RMDN2: variants seen among roughly 807,000 people sequenced by gnomAD.
RMDN2 encodes the protein regulator of microtubule dynamics protein 2.
A neutral mutation model predicts 52.8 loss-of-function variants in RMDN2; 61 were observed. The ratio of observed to expected loss-of-function variants is 1.16; its 90% confidence interval spans 0.94 to 1.43. The LOEUF is 1.43. Ranked by LOEUF, RMDN2 falls within the 40% of genes most tolerant of loss-of-function variation. The pLI, the probability that RMDN2 is intolerant of heterozygous loss-of-function variation, is 0.00. For synonymous variants in RMDN2, 180 were observed against 153.1 expected, an observed-to-expected ratio of 1.18 and a Z score of -1.30; for missense variants, 592 against 475.3, an observed-to-expected ratio of 1.25 and a Z score of -2.28.
chr2:37,935,166 C>T (rs1341748068), intron 2 of RMDN2, among the ~76,000 whole-genome samples: 1 of 152,096 alleles, frequency 6.6e-6, no homozygotes, highest in African/African-American at 2.4e-5. Context: ...CAAAACACCA[C>T]GAATCCACTC....
At chr2:37,932,888 G>T (rs1423791220) in intron 2 of RMDN2, among the ~76,000 whole-genome samples, 2 of 147,426 alleles carry the variant, frequency 1.4e-5, no homozygotes, top group Non-Finnish European at 3.0e-5. Flanking sequence ...CTCCCTCCCG[G>T]ACGGGGCGGC....
intron 8 of RMDN2, among the ~76,000 whole-genome samples, chr2:38,002,692 A>C (rs751845321): frequency 1.3e-5 from 2 of 152,250 alleles, no homozygotes; most frequent in Admixed American, 6.5e-5. Flanking sequence ...GGTAGGTTAC[A>C]TGTCAAACGG....
chr2:37,971,896 T>C (rs1572875792), intron 2 of RMDN2, among the ~76,000 whole-genome samples: 1 of 152,322 alleles, frequency 6.6e-6, no homozygotes, highest in East Asian at 1.9e-4. Flanking sequence ...CTATTAGGCT[T>C]ATAAAGTTTG....
At chr2:37,963,571 T>C (rs370439765) in intron 2 of RMDN2, among the ~76,000 whole-genome samples, 51 of 152,310 alleles carry the variant, frequency 3.3e-4, no homozygotes, top group South Asian at 1.7e-3. Flanking sequence ...CATCTTGCAC[T>C]GCCCTTAATC....
chr2:38,042,509 T>C (rs1408160259), intron 10 of RMDN2, among the ~76,000 whole-genome samples: 1 of 152,026 alleles, frequency 6.6e-6, no homozygotes, highest in Non-Finnish European at 1.5e-5. Context: ...ACAGCAGTTT[T>C]GGTTTCTACT....
intron 8 of RMDN2, 87 bp from the exon 9 acceptor site, chr2:38,003,904 G>T: frequency 1.9e-6 from 2 of 1,056,708 alleles, no homozygotes; most frequent in South Asian, 1.3e-5. Flanking sequence ...CATAATATTT[G>T]ATTTATTTAA....
chr2:37,953,294 A>G (rs1010547809), intron 2 of RMDN2, among the ~76,000 whole-genome samples: 20 of 151,994 alleles, frequency 1.3e-4, no homozygotes, highest in Non-Finnish European at 2.5e-4. Context: ...CCGTTTCCAC[A>G]ACTCTTTTCA....
chr2:38,030,999 A>G (rs991256895), intron 10 of RMDN2, among the ~76,000 whole-genome samples: 1 of 152,316 alleles, frequency 6.6e-6, no homozygotes, highest in Admixed American at 6.5e-5. Context: ...GACTTCTTGA[A>G]ATTTGCTTAA....
chr2:38,034,324 A>G (rs336035), intron 10 of RMDN2, among the ~76,000 whole-genome samples: 55,520 of 152,056 alleles, frequency 0.37, 10,683 homozygotes, highest in Non-Finnish European at 0.42. Flanking sequence ...TCTTGGACAT[A>G]TTAGGTTCCT....
rs568791536 is a variant in RMDN2 at position 37,971,345 on chromosome 2, G to A, written c.453-2695G>A. Among the ~76,000 whole-genome samples, 80 of 151,938 alleles carry A rather than the reference G, an allele frequency of 5.3e-4. No homozygotes were observed. The South Asian group carries it at 0.014, about 27-fold the overall frequency. ...TTTGTTGAAGAGTATTGTTTCCTCC[G>A]CTAAACTGTCTTGGCACTCTTATCA... is the stretch of plus-strand genomic sequence containing the variant. On this transcript the variant is annotated intron_variant, in intron 2 of 10. Transcript: ENST00000354545.
chr2:37,921,329 C>T (rs1296643264), upstream of RMDN2, among the ~76,000 whole-genome samples: 1 of 152,128 alleles, frequency 6.6e-6, no homozygotes, highest in Non-Finnish European at 1.5e-5. Flanking sequence ...AGTTTCTTTT[C>T]AGAAATTTTT....
chr2:37,933,008 C>G (rs1391557134), intron 2 of RMDN2, among the ~76,000 whole-genome samples: 1 of 151,378 alleles, frequency 6.6e-6, no homozygotes, highest in Non-Finnish European at 1.5e-5. Flanking sequence ...AGGGGCTCCT[C>G]ACTTCTCAGA....
chr2:38,029,629 CTG>C (rs1453629046), intron 10 of RMDN2: 1 of 144,534 alleles, frequency 6.9e-6, no homozygotes, highest in African/African-American at 2.6e-5. Context: ...AAAAAAAAAA[CTG>C]AAAGTAATTT....
chr2:37,962,481 G>T (rs1002757086), intron 2 of RMDN2, among the ~76,000 whole-genome samples: 5 of 152,182 alleles, frequency 3.3e-5, no homozygotes, highest in African/African-American at 1.2e-4. Flanking sequence ...TGGTGGCTTT[G>T]TTTACACTGT....
downstream of RMDN2, among the ~76,000 whole-genome samples, chr2:38,020,545 G>C (rs887343434): frequency 1.3e-5 from 2 of 152,242 alleles, no homozygotes. Context: ...GGCTGTGCCC[G>C]GCGCTTGCGG....
At chr2:37,997,798 A>G in intron 8 of RMDN2, 2 of 354,460 alleles carry the variant, frequency 5.6e-6, no homozygotes. Flanking sequence ...TCTTACTGCT[A>G]AGTCCAAGAA....
chr2:37,932,980 G>C (rs1195497501), intron 2 of RMDN2, among the ~76,000 whole-genome samples: 2 of 151,598 alleles, frequency 1.3e-5, no homozygotes, highest in African/African-American at 2.4e-5. Flanking sequence ...CTTCCCAGAC[G>C]GGGTGGCTGC....
intron 1 of RMDN2, among the ~76,000 whole-genome samples, chr2:37,928,476 T>C (rs995765187): frequency 1.3e-5 from 2 of 152,202 alleles, no homozygotes; most frequent in African/African-American, 4.8e-5. Context: ...AATTCAGAAT[T>C]TTCATCTTAC....
At position 37,945,481 on chromosome 2, in the gene RMDN2, A is replaced by G. The variant is rs116714752; in HGVS notation, c.452+15752A>G. ...GTGTCCAACATCCATTCACTCTACC[A>G]GCACATCTACAAATGAATCTGGGTA... On this transcript the variant is annotated intron_variant, in intron 2 of 10. Coordinates refer to ENST00000354545, the MANE Select transcript of RMDN2 (RefSeq NM_001170791.3). 6.0e-3 allele frequency among the ~76,000 whole-genome samples: 908 copies of G among 152,284 alleles called. 11 individuals carry two copies. Among genetic ancestry groups the G allele is most frequent in the African/African-American group, 0.02 (848 of 41,548 alleles).
Sources: allele counts gnomAD v4.1 joint callset (sites outside exome capture counted in the v4.1 genomes callset), GRCh38; gene constraint gnomAD v4.1.1; transcripts MANE v1.5; gene names NCBI Gene and HGNC (gene_info 2026-07-23, HGNC 2026-07-21).